The following BIRC6 variants were observed in gnomAD, a reference collection of about 807,000 sequenced individuals.
BIRC6 encodes the protein dual E2 ubiquitin-conjugating enzyme/E3 ubiquitin-protein ligase BIRC6.
Under a neutral mutation model 503.3 loss-of-function variants are expected in BIRC6, and 98 were observed. That is an observed-to-expected ratio of 0.19 (90% CI 0.17 to 0.23). The LOEUF (loss-of-function observed/expected upper bound fraction) is 0.23. BIRC6 is among the 10% of genes least tolerant of loss of function. The probability of loss-of-function intolerance (pLI) is 1.00; values close to 1 mark genes in which losing one functional copy is unlikely to be tolerated. For synonymous variants in BIRC6, 2,240 were observed against 2,078.7 expected (o/e 1.08, Z -2.11); for missense variants, 5,360 against 5,806.0 (o/e 0.92, Z 2.50).
intron 40 of BIRC6, among the ~76,000 whole-genome samples, chr2:32,486,928 C>G (rs138332433): frequency 2.0e-5 from 3 of 151,774 alleles, no homozygotes; most frequent in African/African-American, 7.3e-5. Context: ...CGGTACTGCC[C>G]AAAGTAACCC....
chr2:32,496,113 G>A (rs1335107809), intron 45 of BIRC6, among the ~76,000 whole-genome samples: 2 of 152,118 alleles, frequency 1.3e-5, no homozygotes, highest in African/African-American at 2.4e-5. Flanking sequence ...TTACAGGCAT[G>A]AGCCACCGCA....
At chr2:32,491,880 T>C (rs1328904661) in intron 44 of BIRC6, among the ~76,000 whole-genome samples, 1 of 152,122 alleles carries the variant, frequency 6.6e-6, no homozygotes, top group Non-Finnish European at 1.5e-5. Context: ...TCAATAAATT[T>C]TAATATGTCA....
chr2:32,435,617 C>T (rs1295337330), intron 14 of BIRC6, 32 bp downstream of exon 14: 20 of 1,535,650 alleles, frequency 1.3e-5, no homozygotes, highest in Non-Finnish European at 1.6e-5. Flanking sequence ...TTGTCCATGA[C>T]AGTAAAAGGA....
Position 32,443,473 on chromosome 2 carries a change from T to C in BIRC6, c.4239-18T>C, listed in dbSNP as rs991356995. ...TTGAGTAATGTCTTTACAATTTTTCTTTTTAAAAATTTTTCAGTAATGGCA... is the reference window on the plus strand; with the variant it reads ...TTGAGTAATGTCTTTACAATTTTTCCTTTTAAAAATTTTTCAGTAATGGCA... On this transcript the variant is annotated intron_variant, in intron 19 of 73. Transcript: ENST00000421745. The C allele has an allele frequency of 6.4e-7, 1 of 1,562,364 alleles. No homozygotes were observed. Among genetic ancestry groups the C allele is most frequent in the Non-Finnish European group, 8.7e-7 (1 of 1,151,754 alleles).
intron 23 of BIRC6, among the ~76,000 whole-genome samples, chr2:32,460,244 T>TTATA (rs1558785783): frequency 7.2e-5 from 6 of 83,606 alleles, no homozygotes; most frequent in South Asian, 4.3e-4. Flanking sequence ...ATCTCGTATA[T>TTATA]GATATATATA....
intron 1 of BIRC6, among the ~76,000 whole-genome samples, chr2:32,375,745 T>G: frequency 3.6e-5 from 1 of 27,506 alleles, no homozygotes; most frequent in Non-Finnish European, 6.3e-5. Flanking sequence ...TTCTCTCTCT[T>G]TTTTTTTTTT....
At chr2:32,422,645 A>T (rs2043058142) in intron 10 of BIRC6, among the ~76,000 whole-genome samples, 1 of 152,092 alleles carries the variant, frequency 6.6e-6, no homozygotes, top group Admixed American at 6.6e-5. Flanking sequence ...TTGGATGTGA[A>T]TATTTCAACA....
At chr2:32,407,308 C>T (rs769038771) in intron 9 of BIRC6, among the ~76,000 whole-genome samples, 20 of 151,836 alleles carry the variant, frequency 1.3e-4, no homozygotes, top group Non-Finnish European at 2.8e-4. Flanking sequence ...ATTAGCCAGG[C>T]GTGGTGGCGC....
At chr2:32,498,207 T>G (rs1347025201) in intron 45 of BIRC6, among the ~76,000 whole-genome samples, 2 of 152,038 alleles carry the variant, frequency 1.3e-5, no homozygotes, top group African/African-American at 2.4e-5. Context: ...GATTACAGGC[T>G]TCTGCTATGC....
In BIRC6 at chr2:32,502,798, T is replaced by A; in HGVS notation, c.9211T>A (p.Ser3071Thr). The A allele has an allele frequency of 6.2e-7, 1 of 1,609,438 alleles. No homozygotes were observed. The highest frequency in any genetic ancestry group is 1.1e-5 in the South Asian group (1 of 90,002). The change falls in exon 48 of 74, where the codon TCT becomes ACT. Residue 3071 changes from serine (S) to threonine (T), a missense_variant. Physicochemically the swap from Ser to Thr is moderately conservative, Grantham distance 58 (BLOSUM62 1). Transcript: ENST00000421745. Reference sequence around the variant, plus strand: ...ATATGCATATTTCATTTTTTAGGGCTCTCTTGCTACTTGCCAGTTATCTGA... The same window carrying A: ...ATATGCATATTTCATTTTTTAGGGCACTCTTGCTACTTGCCAGTTATCTGA... ...MACGYMGRQGSLATCQLSEPL... is the reference protein window; with the variant it reads ...MACGYMGRQGTLATCQLSEPL...
intron 73 of BIRC6, among the ~76,000 whole-genome samples, chr2:32,614,147 T>C (rs183831341): frequency 7.0e-4 from 106 of 152,348 alleles, no homozygotes; most frequent in African/African-American, 2.5e-3. Flanking sequence ...TCAAGTATTA[T>C]GTATCTCATC....
chr2:32,431,727 A>G (rs1306671689), intron 12 of BIRC6, among the ~76,000 whole-genome samples: 2 of 152,210 alleles, frequency 1.3e-5, no homozygotes, highest in African/African-American at 4.8e-5. Flanking sequence ...TATTTAACAA[A>G]TACTCAAATG....
At chr2:32,364,395 A>G (rs2034571193) in intron 1 of BIRC6, among the ~76,000 whole-genome samples, 1 of 152,032 alleles carries the variant, frequency 6.6e-6, no homozygotes, top group Non-Finnish European at 1.5e-5. Context: ...GTGCGCCACC[A>G]TGCCTGGCTA....
intron 33 of BIRC6, among the ~76,000 whole-genome samples, chr2:32,476,007 G>A (rs1161192961): frequency 2.6e-5 from 4 of 152,036 alleles, no homozygotes; most frequent in Admixed American, 2.6e-4. Context: ...CCATGGGTAA[G>A]GGAGATTTTA....
At chr2:32,395,139 C>T (rs143617693) in intron 5 of BIRC6, among the ~76,000 whole-genome samples, 1 of 152,140 alleles carries the variant, frequency 6.6e-6, no homozygotes, top group African/African-American at 2.4e-5. Context: ...GGTGACAGAG[C>T]GAGACTCAGT....
At chr2:32,492,470 A>G (rs933513381) in intron 44 of BIRC6, among the ~76,000 whole-genome samples, 3 of 152,108 alleles carry the variant, frequency 2.0e-5, no homozygotes, top group Non-Finnish European at 4.4e-5. Context: ...AGGGGCAGAG[A>G]CATGTTATCA....
intron 10 of BIRC6, among the ~76,000 whole-genome samples, chr2:32,423,634 T>A (rs2043169789): frequency 6.6e-6 from 1 of 152,206 alleles, no homozygotes; most frequent in Non-Finnish European, 1.5e-5. Context: ...CTTGGTTCCT[T>A]TTTATGCCAA....
chr2:32,477,247 C>T (rs2049869360), intron 34 of BIRC6, 121 bp from the exon 35 acceptor site: 1 of 823,610 alleles, frequency 1.2e-6, no homozygotes, highest in Non-Finnish European at 1.9e-6. Flanking sequence ...TACAGTGTAT[C>T]TAAAAATTTT....
chr2:32,539,378 A>G (rs555330351), intron 61 of BIRC6, among the ~76,000 whole-genome samples: 1 of 152,358 alleles, frequency 6.6e-6, no homozygotes, highest in Non-Finnish European at 1.5e-5. Context: ...CAAAGCATTT[A>G]CCAACTACAG....
Sources: allele counts gnomAD v4.1 joint callset (sites outside exome capture counted in the v4.1 genomes callset), GRCh38; gene constraint gnomAD v4.1.1; transcripts MANE v1.5; gene names NCBI Gene and HGNC (gene_info 2026-07-23, HGNC 2026-07-21).